Variants in ZCCHC7 observed in about 807,000 individuals in gnomAD.
ZCCHC7 encodes the protein zinc finger CCHC-type containing 7.
A neutral mutation model predicts 52.0 loss-of-function variants in ZCCHC7; 35 were observed. That is an observed-to-expected ratio of 0.67 (90% CI 0.51 to 0.89). ZCCHC7 has a LOEUF of 0.89. ZCCHC7 is among the 40% of genes least tolerant of loss of function. The pLI, the probability that ZCCHC7 is intolerant of heterozygous loss-of-function variation, is 0.00. For missense variants in ZCCHC7, 574 were observed against 649.1 expected (o/e 0.88, Z 1.26); for synonymous variants, 217 against 221.5 (o/e 0.98, Z 0.18).
intron 2 of ZCCHC7, among the ~76,000 whole-genome samples, chr9:37,190,376 C>T (rs775156117): frequency 2.6e-5 from 4 of 152,306 alleles, no homozygotes; most frequent in Admixed American, 6.5e-5. Context: ...AGAGGCTTCT[C>T]CTGGAGTTCT....
intron 5 of ZCCHC7, among the ~76,000 whole-genome samples, chr9:37,310,954 C>CT (rs368811123): frequency 3.2e-5 from 4 of 126,624 alleles, no homozygotes; most frequent in East Asian, 2.3e-4. Context: ...AAGACTCTCT[C>CT]TTTTTAAAAA....
chr9:37,357,050 G>C lies in ZCCHC7; in HGVS notation c.1414G>C (p.Asp472His). 6.2e-7 allele frequency: 1 copy of C among 1,613,722 alleles called. No individual in the cohort carries two copies. The highest frequency in any genetic ancestry group is 1.1e-5 in the South Asian group (1 of 91,060). The change falls in exon 9 of 9, where the codon GAT becomes CAT. Residue 472 changes from aspartate (D) to histidine (H), a missense_variant. Asp to His is a moderately conservative substitution (Grantham distance 81). Coordinates refer to ENST00000336755, the MANE Select transcript of ZCCHC7 (RefSeq NM_032226.3). ...KADRHREVDE[D>H]FPRGPKTYSS... ...TGACAGACATCGTGAAGTGGATGAGGATTTTCCCAGGGGCCCCAAAACCTA... is the reference window on the plus strand; with the variant it reads ...TGACAGACATCGTGAAGTGGATGAGCATTTTCCCAGGGGCCCCAAAACCTA...
At chr9:37,212,441 A>G (rs1182276500) in intron 2 of ZCCHC7, among the ~76,000 whole-genome samples, 1 of 152,246 alleles carries the variant, frequency 6.6e-6, no homozygotes, top group Non-Finnish European at 1.5e-5. Context: ...CTACTTTAGA[A>G]AAGAGCAGAT....
At position 37,305,602 on chromosome 9, in the gene ZCCHC7, C is replaced by T. The variant is rs1333110939; in HGVS notation, c.839C>T (p.Ala280Val). The T allele has an allele frequency of 3.1e-6, 5 of 1,614,086 alleles. No individual in the cohort carries two copies. The highest frequency in any genetic ancestry group is 4.2e-6 in the Non-Finnish European group (5 of 1,179,998). Reference sequence around the variant, plus strand: ...GGACATCTCCTGTATTCCTGTCCAGCCCCCCTTTGCGAATACTGTCCTGTG... The same window carrying T: ...GGACATCTCCTGTATTCCTGTCCAGTCCCCCTTTGCGAATACTGTCCTGTG... ...RRGHLLYSCPAPLCEYCPVPK... is the reference protein window; with the variant it reads ...RRGHLLYSCPVPLCEYCPVPK... Residue 280 changes from alanine (A) to valine (V), a missense_variant, in exon 5 of 9, where the codon GCC becomes GTC. This residue lies in a region of ZCCHC7 where 403 missense variants were observed against 461.2 expected (regional missense o/e 0.87). Coordinates refer to ENST00000336755, the MANE Select transcript of ZCCHC7 (RefSeq NM_032226.3).
chr9:37,228,963 G>C (rs1453973756), intron 2 of ZCCHC7, among the ~76,000 whole-genome samples: 1 of 150,974 alleles, frequency 6.6e-6, no homozygotes, highest in Non-Finnish European at 1.5e-5. Flanking sequence ...AGCCTCTCGA[G>C]TAGCTGGGAC....
At chr9:37,338,113 T>C (rs1159323894) in intron 6 of ZCCHC7, among the ~76,000 whole-genome samples, 1 of 152,196 alleles carries the variant, frequency 6.6e-6, no homozygotes, top group Non-Finnish European at 1.5e-5. Context: ...TGATCCTTAC[T>C]GTGTTGCGTG....
chr9:37,132,513 CAT>C (rs1203718665), intron 2 of ZCCHC7, among the ~76,000 whole-genome samples: 2 of 151,248 alleles, frequency 1.3e-5, no homozygotes, highest in East Asian at 1.9e-4. Context: ...TCAAGTCATT[CAT>C]ATATGTATGT....
intron 2 of ZCCHC7, among the ~76,000 whole-genome samples, chr9:37,198,805 C>G (rs2133145216): frequency 6.6e-6 from 1 of 152,140 alleles, no homozygotes; most frequent in Admixed American, 6.5e-5. Flanking sequence ...CTGAGTAAAA[C>G]CTGGGTTTGG....
intron 2 of ZCCHC7, among the ~76,000 whole-genome samples, chr9:37,162,161 C>G (rs528735548): frequency 6.6e-6 from 1 of 151,966 alleles, no homozygotes; most frequent in Non-Finnish European, 1.5e-5. Context: ...AGTTGACATA[C>G]TATAGTATAT....
At chr9:37,278,953 C>T (rs530386292) in intron 2 of ZCCHC7, among the ~76,000 whole-genome samples, 3 of 152,196 alleles carry the variant, frequency 2.0e-5, no homozygotes, top group East Asian at 1.9e-4. Flanking sequence ...GGAGGCCACA[C>T]GGCAGGTGGA....
Position 37,164,441 on chromosome 9 carries a change from T to TTAGATAGA in ZCCHC7, c.610+37552_610+37559dup, listed in dbSNP as rs58626855. ...GCCGGGGTGACGGAGTGAGACTGTC[T>TTAGATAGA]TAGATAGATAGATAGATAGATAGAT... On this transcript the variant is annotated intron_variant, in intron 2 of 8. Coordinates refer to ENST00000336755, the MANE Select transcript of ZCCHC7 (RefSeq NM_032226.3). 7.7e-3 allele frequency among the ~76,000 whole-genome samples: 1,071 copies of TTAGATAGA among 139,512 alleles called. 12 individuals are homozygous for TTAGATAGA. Among genetic ancestry groups the TTAGATAGA allele is most frequent in the Admixed American group, 0.01 (141 of 13,666 alleles). The allele number at this position is 139,512 out of a possible 152,430, so 91.5% of individuals were successfully genotyped here.
intron 2 of ZCCHC7, among the ~76,000 whole-genome samples, chr9:37,261,578 G>A (rs1265721783): frequency 1.3e-5 from 2 of 152,184 alleles, no homozygotes; most frequent in Non-Finnish European, 2.9e-5. Context: ...TGGCCTGGCA[G>A]GAGCTTCTGG....
intron 2 of ZCCHC7, among the ~76,000 whole-genome samples, chr9:37,179,352 A>G (rs1822226684): frequency 2.6e-5 from 4 of 152,314 alleles, no homozygotes; most frequent in Admixed American, 2.0e-4. Flanking sequence ...TGTGACAGGT[A>G]AATTTCCCAA....
At chr9:37,155,487 A>C (rs936445560) in intron 2 of ZCCHC7, among the ~76,000 whole-genome samples, 1 of 152,204 alleles carries the variant, frequency 6.6e-6, no homozygotes, top group Non-Finnish European at 1.5e-5. Flanking sequence ...TTTTTAATTA[A>C]ATATATTCTA....
At chr9:37,321,161 TG>T (rs1278391818) in intron 5 of ZCCHC7, among the ~76,000 whole-genome samples, 1 of 151,938 alleles carries the variant, frequency 6.6e-6, no homozygotes, top group African/African-American at 2.4e-5. Context: ...GCTAATTTTT[TG>T]TATTTTTAGT....
At chr9:37,336,201 A>G (rs1830644070) in intron 6 of ZCCHC7, among the ~76,000 whole-genome samples, 1 of 152,276 alleles carries the variant, frequency 6.6e-6, no homozygotes, top group South Asian at 2.1e-4. Flanking sequence ...ATGTAGTGGT[A>G]TAAGAGCTGG....
chr9:37,321,004 T>C (rs1204210031), intron 5 of ZCCHC7, among the ~76,000 whole-genome samples: 1 of 149,232 alleles, frequency 6.7e-6, no homozygotes, highest in African/African-American at 2.5e-5. Context: ...TTTTTTTTTT[T>C]TTGAGATGGA....
intron 2 of ZCCHC7, among the ~76,000 whole-genome samples, chr9:37,135,652 C>T (rs1056078733): frequency 6.6e-6 from 1 of 152,038 alleles, no homozygotes; most frequent in African/African-American, 2.4e-5. Context: ...TTTATTTTTT[C>T]CCTTAGGTAA....
chr9:37,272,094 C>T (rs1827444474), intron 2 of ZCCHC7, among the ~76,000 whole-genome samples: 1 of 152,148 alleles, frequency 6.6e-6, no homozygotes, highest in Admixed American at 6.5e-5. Flanking sequence ...TAAGAACACA[C>T]ACAGACATTA....
Sources: gnomAD v4.1 joint callset for allele counts (sites outside exome capture counted in the v4.1 genomes callset) on GRCh38, gnomAD v4.1.1 for gene constraint, gnomAD v4.1.1 regional missense constraint, MANE v1.5 for transcripts, NCBI Gene and HGNC (gene_info 2026-07-23, HGNC 2026-07-21) for gene names.